Variants in WTIP observed in about 807,000 individuals in gnomAD.
The protein encoded by WTIP is WT1 interacting protein, also known as Wilms tumor protein 1-interacting protein.
Under a neutral mutation model 41.7 loss-of-function variants are expected in WTIP, and 23 were observed. That is an observed-to-expected ratio of 0.55 (90% CI 0.40 to 0.78). WTIP has a LOEUF of 0.78. Ranked by LOEUF, WTIP falls within the 30% of genes least tolerant of loss-of-function variation. The probability of loss-of-function intolerance (pLI) is 0.00; values close to 1 mark genes in which losing one functional copy is unlikely to be tolerated. For missense variants in WTIP, 619 were observed against 610.5 expected, an observed-to-expected ratio of 1.01 and a Z score of -0.15; for synonymous variants, 314 against 269.9, an observed-to-expected ratio of 1.16 and a Z score of -1.60.
Position 34,506,798 on chromosome 19 carries a change from G to A in WTIP, c.*6529G>A, listed in dbSNP as rs62123430. The A allele has an allele frequency of 0.2, 29,912 of 146,156 alleles. 3,235 individuals carry two copies. The highest frequency in any genetic ancestry group is 0.43 in the East Asian group (2,126 of 4,968). 9.1% of individuals were successfully genotyped at this position (146,156 alleles called of 1,614,324 possible). A position where few individuals can be genotyped will look rare whatever the true frequency, so the allele number is the denominator to read the frequency against. ...TAAATAAATAAATAAATAAATAAAT[G>A]AATATAAATAAAACTGGTTAAAAAT... is the stretch of plus-strand genomic sequence containing the variant. On this transcript the variant is annotated 3_prime_UTR_variant, in exon 8 of 8. Transcript: ENST00000590071.
rs2075911109 is a variant in WTIP, at chr19:34,506,321, T to C, written c.*6052T>C. On this transcript the variant is annotated 3_prime_UTR_variant, in exon 8 of 8. Transcript: ENST00000590071. ...CACTGAGGGTGCAGGCCAAACCTTT[T>C]AAAGAATAAACAGAAAGAAATCGGC... 1 of 152,020 alleles carries C rather than the reference T, an allele frequency of 6.6e-6. No individual in the cohort carries two copies. The highest frequency in any genetic ancestry group is 1.5e-5 in the Non-Finnish European group (1 of 68,036). 9.4% of individuals were successfully genotyped at this position (152,020 alleles called of 1,614,324 possible). A position where few individuals can be genotyped will look rare whatever the true frequency, so the allele number is the denominator to read the frequency against.
In WTIP at chr19:34,508,289, G is replaced by C. The variant is rs2075920733; in HGVS notation, c.*8020G>C. The C allele has an allele frequency of 6.6e-6, 1 of 151,866 alleles. No individual in the cohort carries two copies. The highest frequency in any genetic ancestry group is 6.6e-5 in the Admixed American group (1 of 15,266). 9.4% of individuals were successfully genotyped at this position (151,866 alleles called of 1,614,324 possible). ...AGGGTTTCATCATGTTGGCCAGGCTGGTCTCTAACTCCTGACCTTAAGTGA... is the reference window on the plus strand; with the variant it reads ...AGGGTTTCATCATGTTGGCCAGGCTCGTCTCTAACTCCTGACCTTAAGTGA... On this transcript the variant is annotated 3_prime_UTR_variant, in exon 8 of 8. Coordinates refer to ENST00000590071, the MANE Select transcript of WTIP (RefSeq NM_001080436.2).
Position 34,504,238 on chromosome 19 carries a change from G to GAC in WTIP, c.*3970_*3971insCA, listed in dbSNP as rs1200998235. ...ACGGAGACAGGATAAGCTGCAGAGA[G>GAC]AGAGGGAGAGAGGGATTGAACTGGA... On this transcript the variant is annotated 3_prime_UTR_variant, in exon 8 of 8. Coordinates refer to ENST00000590071, the MANE Select transcript of WTIP (RefSeq NM_001080436.2). 6.6e-6 allele frequency: 1 copy of GAC among 150,826 alleles called. No individual in the cohort carries two copies. The highest frequency in any genetic ancestry group is 2.5e-5 in the African/African-American group (1 of 40,570). The allele number at this position is 150,826 out of a possible 1,614,324, so 9.3% of individuals were successfully genotyped here.
rs1289761446 is a variant in WTIP, at chr19:34,510,728, G to A, written c.*10459G>A. The A allele has an allele frequency of 4.6e-5, 7 of 152,092 alleles. No individual in the cohort carries two copies. The highest frequency in any genetic ancestry group is 7.2e-5 in the African/African-American group (3 of 41,416). 9.4% of individuals were successfully genotyped at this position (152,092 alleles called of 1,614,324 possible). A position where few individuals can be genotyped will look rare whatever the true frequency, so the allele number is the denominator to read the frequency against. ...TTTAAACCCAAGTCACCTCTTGAAC[G>A]CTTTTCTGCTTAGAAATTTCTTCTG... On this transcript the variant is annotated 3_prime_UTR_variant, in exon 8 of 8. Coordinates refer to ENST00000590071, the MANE Select transcript of WTIP (RefSeq NM_001080436.2).
At chr19:34,492,885 T>C (rs2075832795) in intron 2 of WTIP, among the ~76,000 whole-genome samples, 152 bp from the exon 3 acceptor site, 1 of 152,240 alleles carries the variant, frequency 6.6e-6, no homozygotes, top group South Asian at 2.1e-4. Flanking sequence ...TTTGTTATTA[T>C]AACAATAACA....
chr19:34,512,175 C>G lies in WTIP; in HGVS notation c.*11906C>G, dbSNP rs2075935546. 6.6e-6 allele frequency: 1 copy of G among 152,124 alleles called. No homozygotes were observed. The highest frequency in any genetic ancestry group is 2.4e-5 in the African/African-American group (1 of 41,402). 9.4% of individuals were successfully genotyped at this position (152,124 alleles called of 1,614,324 possible). On this transcript the variant is annotated 3_prime_UTR_variant, in exon 8 of 8. Transcript: ENST00000590071. ...TGGGCGTGCTGCTTTTCTCCTGGCT[C>G]TAATGGGAAGGCCAAGAGGCAGGTC...
At chr19:34,486,387 G>A (rs926068426) in intron 1 of WTIP, among the ~76,000 whole-genome samples, 6 of 143,660 alleles carry the variant, frequency 4.2e-5, no homozygotes, top group African/African-American at 1.5e-4. Context: ...TTTTTTTTGA[G>A]ACAGAGTTTT....
intron 2 of WTIP, among the ~76,000 whole-genome samples, chr19:34,491,789 C>A (rs577017622): frequency 5.9e-4 from 90 of 151,972 alleles, no homozygotes; most frequent in Admixed American, 3.9e-3. Context: ...GGACTATAGG[C>A]GCGCAACACC....
In WTIP at chr19:34,512,072, A is replaced by C. The variant is rs1300605864; in HGVS notation, c.*11803A>C. 1 of 152,058 alleles carries C rather than the reference A, an allele frequency of 6.6e-6. No individual in the cohort carries two copies. The highest frequency in any genetic ancestry group is 2.4e-5 in the African/African-American group (1 of 41,400). 9.4% of individuals were successfully genotyped at this position (152,058 alleles called of 1,614,324 possible). A position where few individuals can be genotyped will look rare whatever the true frequency, so the allele number is the denominator to read the frequency against. ...AGCTTTATGGATTAGGGTCTTCAGA[A>C]GCCTTACTTGTTTTTCTGGCTCTAT... On this transcript the variant is annotated 3_prime_UTR_variant, in exon 8 of 8. Coordinates refer to ENST00000590071, the MANE Select transcript of WTIP (RefSeq NM_001080436.2).
chr19:34,492,376 G>C (rs1313110627), intron 2 of WTIP, among the ~76,000 whole-genome samples: 1 of 119,484 alleles, frequency 8.4e-6, no homozygotes, highest in Non-Finnish European at 1.7e-5. Context: ...CAGCCTCCCA[G>C]GAGGCTGGGA....
chr19:34,495,479 G>A (rs1039080516), intron 6 of WTIP, among the ~76,000 whole-genome samples: 6 of 152,140 alleles, frequency 3.9e-5, no homozygotes, highest in African/African-American at 7.2e-5. Context: ...GCCTTTGTGC[G>A]TACTGTGGGC....
chr19:34,481,984 T>G lies in WTIP; in HGVS notation c.10T>G (p.Ser4Ala). The G allele has an allele frequency of 9.9e-7, 1 of 1,009,018 alleles. No individual in the cohort carries two copies. The highest frequency in any genetic ancestry group is 1.2e-6 in the Non-Finnish European group (1 of 847,010). The allele number at this position is 1,009,018 out of a possible 1,614,324, so 62.5% of individuals were successfully genotyped here. The change falls in exon 1 of 8, where the codon TCC becomes GCC. Residue 4 changes from serine (S) to alanine (A), a missense_variant. Coordinates refer to ENST00000590071, the MANE Select transcript of WTIP (RefSeq NM_001080436.2). MQR[S>A]RAGADEAALL... ...GCCGGCGGGCCGGGCCATGCAGCGC[T>G]CCAGGGCGGGCGCGGACGAGGCGGC...
intron 1 of WTIP, among the ~76,000 whole-genome samples, chr19:34,485,754 C>T (rs565495745): frequency 6.6e-5 from 10 of 152,210 alleles, no homozygotes; most frequent in African/African-American, 2.2e-4. Context: ...TCACCATGCT[C>T]GGCTACATTT....
rs2075833533 is a variant in WTIP at position 34,493,034 on chromosome 19, C to T, written c.770-3C>T. 1.3e-5 allele frequency: 21 copies of T among 1,613,878 alleles called. No individual in the cohort carries two copies. The highest frequency in any genetic ancestry group is 1.8e-5 in the Non-Finnish European group (21 of 1,179,852). On this transcript the variant is annotated splice_polypyrimidine_tract_variant and splice_region_variant and intron_variant, in intron 2 of 7. Transcript: ENST00000590071. The surrounding 1 kb of genome is among the most constrained non-coding windows in gnomAD (Gnocchi z 4.1). ...GGACCCCTCTCAACCCTCACCCTTG[C>T]AGGGAGACGACTCCGTGGGAAGGCG...
Position 34,501,493 on chromosome 19 carries a change from G to C in WTIP, c.*1224G>C, listed in dbSNP as rs910328096. On this transcript the variant is annotated 3_prime_UTR_variant, in exon 8 of 8. Coordinates refer to ENST00000590071, the MANE Select transcript of WTIP (RefSeq NM_001080436.2). The stretch of plus-strand genomic sequence containing the variant: ...TGGTCCTGATGCGGAATCCCCAGGG[G>C]TTCAGGGGACATCTGGACTGAAGTC... The C allele has an allele frequency of 6.6e-6, 1 of 152,344 alleles. No homozygotes were observed. Among genetic ancestry groups the C allele is most frequent in the Non-Finnish European group, 1.5e-5 (1 of 68,124 alleles). The allele number at this position is 152,344 out of a possible 1,614,324, so 9.4% of individuals were successfully genotyped here.
At chr19:34,489,398 A>G (rs558323538) in intron 1 of WTIP, among the ~76,000 whole-genome samples, 29 of 152,022 alleles carry the variant, frequency 1.9e-4, no homozygotes, top group African/African-American at 7.0e-4. Flanking sequence ...CCAAGAGAAT[A>G]AGTGGACCCT....
Position 34,493,487 on chromosome 19 carries a change from C to T in WTIP, c.901-5C>T. ...CGCTGACCCCTCAGTGTGCCCCGCC[C>T]ACAGATCCTGCAGGCCCTGGGCAAG... On this transcript the variant is annotated splice_region_variant and splice_polypyrimidine_tract_variant and intron_variant, in intron 4 of 7. Transcript: ENST00000590071. This position sits in a 1 kb window ranked among gnomAD's most constrained non-coding sequence, Gnocchi z 4.1. The T allele has an allele frequency of 6.2e-7, 1 of 1,613,426 alleles. No homozygotes were observed. The highest frequency in any genetic ancestry group is 1.7e-5 in the Admixed American group (1 of 59,998).
chr19:34,495,769 G>A lies in WTIP; in HGVS notation c.1150G>A (p.Glu384Lys). Reference protein sequence around the residue: ...RDYHVACYHCEDCGLQLSGEE... With the variant: ...RDYHVACYHCKDCGLQLSGEE... ...CTACCACGTGGCATGTTACCACTGT[G>A]AGGTGAGCCTGGGCCCACAGGAGGC... is the stretch of plus-strand genomic sequence containing the variant. Residue 384 changes from glutamate to lysine, a missense_variant and splice_region_variant, in exon 7 of 8, where the codon GAG (glutamate) becomes AAG (lysine). Around this residue, in one of 3 missense-constraint regions of WTIP, gnomAD observed 92 missense variants for 82.4 expected, o/e 1.12. Transcript: ENST00000590071. 6.2e-7 allele frequency: 1 copy of A among 1,613,694 alleles called. No homozygotes were observed. Among genetic ancestry groups the A allele is most frequent in the Non-Finnish European group, 8.5e-7 (1 of 1,179,946 alleles).
In WTIP at chr19:34,493,269, G is replaced by A. The variant is rs760033702; in HGVS notation, c.844G>A (p.Gly282Arg). Residue 282 changes from glycine (G) to arginine (R), a missense_variant, in exon 4 of 8, where the codon GGG becomes AGG. Transcript: ENST00000590071. This position sits in a 1 kb window ranked among gnomAD's most constrained non-coding sequence, Gnocchi z 4.1. ...ATCCTGTGTCCCCTCCCAGTACTCC[G>A]GGTTCCAGCAGACGGCCGACAAATG... ...VYCQEDFLYS[G>R]FQQTADKCSV... The A allele has an allele frequency of 3.7e-6, 6 of 1,613,680 alleles. No individual in the cohort carries two copies. In the Admixed American group the frequency reaches 5.0e-5, roughly 13 times the overall value.
Sources: allele counts gnomAD v4.1 joint callset (sites outside exome capture counted in the v4.1 genomes callset), GRCh38; gene constraint gnomAD v4.1.1; regional missense constraint gnomAD v4.1.1; non-coding constraint Gnocchi (gnomAD v3.1); transcripts MANE v1.5; gene names NCBI Gene and HGNC (gene_info 2026-07-23, HGNC 2026-07-21).